The following ALDH8A1 variants were observed in gnomAD, a reference collection of about 807,000 sequenced individuals.
The protein encoded by ALDH8A1 is aldehyde dehydrogenase 8 family member A1, also known as 2-aminomuconic semialdehyde dehydrogenase.
ALDH8A1 carries 39 observed loss-of-function variants against 43.3 expected under a neutral mutation model. The ratio of observed to expected loss-of-function variants is 0.90; its 90% confidence interval spans 0.70 to 1.18. The LOEUF (loss-of-function observed/expected upper bound fraction) is 1.18. ALDH8A1 is among the 50% of genes most tolerant of loss of function. ALDH8A1 has a pLI of 0.00. For missense variants in ALDH8A1, 605 were observed against 622.6 expected (o/e 0.97, Z 0.30); for synonymous variants, 233 against 243.5 (o/e 0.96, Z 0.40).
intron 5 of ALDH8A1, among the ~76,000 whole-genome samples, chr6:134,930,261 G>A (rs1005337890): frequency 3.9e-5 from 6 of 152,188 alleles, no homozygotes; most frequent in Non-Finnish European, 8.8e-5. Context: ...GGAAGGGAGA[G>A]GGAGGGAAAC....
chr6:134,939,815 A>G (rs114774944), intron 3 of ALDH8A1, among the ~76,000 whole-genome samples: 1,704 of 152,356 alleles, frequency 0.011, 31 homozygotes, highest in African/African-American at 0.038. Context: ...AAAGACATGG[A>G]ATCAACTCAA....
chr6:134,932,795 C>A lies in ALDH8A1; in HGVS notation c.830G>T (p.Arg277Met). 1 of 1,614,180 alleles carries A rather than the reference C, an allele frequency of 6.2e-7. No individual in the cohort carries two copies. The highest frequency in any genetic ancestry group is 1.3e-5 in the African/African-American group (1 of 75,052). The change falls in exon 5 of 7, where the codon AGG (arginine) becomes ATG (methionine). Residue 277 changes from arginine (R) to methionine (M), a missense_variant. Transcript: ENST00000265605. ...NLDECIPATV[R>M]SSFANQGEIC... Reference sequence around the variant, plus strand: ...ACATACCTGGTTGGCAAAGCTGGACCTGACGGTTGCCGGAATGCACTCATC... The same window carrying A: ...ACATACCTGGTTGGCAAAGCTGGACATGACGGTTGCCGGAATGCACTCATC...
intron 6 of ALDH8A1, among the ~76,000 whole-genome samples, chr6:134,920,969 G>C (rs979838656): frequency 6.6e-6 from 1 of 152,094 alleles, no homozygotes; most frequent in African/African-American, 2.4e-5. Flanking sequence ...TTCCTTATCT[G>C]AAACATAGAA....
intron 6 of ALDH8A1, among the ~76,000 whole-genome samples, chr6:134,920,407 G>A (rs1300540052): frequency 1.3e-5 from 2 of 152,092 alleles, no homozygotes; most frequent in Non-Finnish European, 2.9e-5. Context: ...TAATTAAAAG[G>A]TTCCAAAGGT....
intron 1 of ALDH8A1, 120 bp from the exon 2 acceptor site, chr6:134,944,086 T>C (rs571773052): frequency 7.4e-7 from 1 of 1,350,862 alleles, no homozygotes; most frequent in South Asian, 1.6e-5. Context: ...TTTTGTTTTT[T>C]AGATGGATTC....
At chr6:134,920,155 CG>C (rs1562249694) in intron 6 of ALDH8A1, among the ~76,000 whole-genome samples, 1 of 152,152 alleles carries the variant, frequency 6.6e-6, no homozygotes, top group African/African-American at 2.4e-5. Flanking sequence ...TCAAGGGATC[CG>C]CCCAAAGTGC....
chr6:134,920,862 T>A (rs2114675356), intron 6 of ALDH8A1, among the ~76,000 whole-genome samples: 1 of 152,242 alleles, frequency 6.6e-6, no homozygotes, highest in African/African-American at 2.4e-5. Context: ...AAAGTCAGAG[T>A]ACAGGGGTTA....
At chr6:134,927,654 G>T (rs1165543740) in intron 6 of ALDH8A1, among the ~76,000 whole-genome samples, 2 of 152,168 alleles carry the variant, frequency 1.3e-5, no homozygotes, top group African/African-American at 4.8e-5. Context: ...AAAAAAAATG[G>T]TGTATCTGTT....
intron 6 of ALDH8A1, among the ~76,000 whole-genome samples, chr6:134,926,118 G>A (rs1186913571): frequency 6.6e-6 from 1 of 151,574 alleles, no homozygotes; most frequent in Non-Finnish European, 1.5e-5. Context: ...ATCATCACCA[G>A]TGATGAAATA....
intron 5 of ALDH8A1, among the ~76,000 whole-genome samples, chr6:134,932,414 T>G (rs752276916): frequency 6.6e-6 from 1 of 152,014 alleles, no homozygotes; most frequent in Non-Finnish European, 1.5e-5. Context: ...AATAGGACAT[T>G]TGAACGACAA....
At chr6:134,928,492 CA>C (rs538305077) in intron 6 of ALDH8A1, among the ~76,000 whole-genome samples, 162 of 152,292 alleles carry the variant, frequency 1.1e-3, no homozygotes, top group African/African-American at 3.8e-3. Context: ...TTGGGAGTCA[CA>C]TGTGGTAATA....
intron 6 of ALDH8A1, among the ~76,000 whole-genome samples, chr6:134,927,753 G>A (rs1776909968): frequency 6.6e-6 from 1 of 152,128 alleles, no homozygotes; most frequent in East Asian, 1.9e-4. Context: ...CTGCTGAAAG[G>A]TACTCTAGGA....
intron 1 of ALDH8A1, among the ~76,000 whole-genome samples, chr6:134,947,236 G>A (rs1773969476): frequency 6.6e-6 from 1 of 152,100 alleles, no homozygotes; most frequent in Non-Finnish European, 1.5e-5. Flanking sequence ...ACAGATTAAA[G>A]ACTTAGATAG....
intron 3 of ALDH8A1, among the ~76,000 whole-genome samples, chr6:134,941,626 G>A (rs2114704867): frequency 6.6e-6 from 1 of 152,134 alleles, no homozygotes; most frequent in Admixed American, 6.5e-5. Context: ...CTGACCTCAG[G>A]CGATCCGCCA....
chr6:134,947,068 T>C (rs1773966257), intron 1 of ALDH8A1, among the ~76,000 whole-genome samples: 1 of 152,114 alleles, frequency 6.6e-6, no homozygotes, highest in Admixed American at 6.5e-5. Flanking sequence ...AATCCAGAAA[T>C]AAATCCATGC....
chr6:134,939,355 G>C lies in ALDH8A1; in HGVS notation c.503C>G (p.Ala168Gly). The change falls in exon 4 of 7, where the codon GCG (alanine) becomes GGG (glycine). Residue 168 changes from alanine (A) to glycine (G), a missense_variant. Physicochemically the swap from Ala to Gly is moderately conservative, Grantham distance 60. Coordinates refer to ENST00000265605, the MANE Select transcript of ALDH8A1 (RefSeq NM_022568.4). ...TATCACAGTGTTCCCTGCAGCCATC[G>C]CTGGAGCTATCTTCCAGGTCAGCAA... ...LYLLTWKIAP[A>G]MAAGNTVIAK... 6.2e-7 allele frequency: 1 copy of C among 1,614,218 alleles called. No homozygotes were observed. Among genetic ancestry groups the C allele is most frequent in the Non-Finnish European group, 8.5e-7 (1 of 1,180,034 alleles).
At chr6:134,945,454 T>G (rs879923741) in intron 1 of ALDH8A1, among the ~76,000 whole-genome samples, 2 of 152,168 alleles carry the variant, frequency 1.3e-5, no homozygotes, top group Non-Finnish European at 2.9e-5. Flanking sequence ...AATATATGTA[T>G]GGGAAGGTAT....
chr6:134,944,013 C>T, intron 1 of ALDH8A1, 47 bp from the exon 2 acceptor site: 1 of 1,572,536 alleles, frequency 6.4e-7, no homozygotes, highest in Non-Finnish European at 8.6e-7. Context: ...GCTGTTAGTC[C>T]TTGGGGGATG....
intron 1 of ALDH8A1, 93 bp from the exon 2 acceptor site, chr6:134,944,059 A>C: frequency 2.7e-5 from 30 of 1,120,606 alleles, no homozygotes; most frequent in Non-Finnish European, 3.5e-5. Context: ...CACACACCTC[A>C]TTTTTGTTTT....
Sources: gnomAD v4.1 joint callset for allele counts (sites outside exome capture counted in the v4.1 genomes callset) on GRCh38, gnomAD v4.1.1 for gene constraint, MANE v1.5 for transcripts, NCBI Gene and HGNC (gene_info 2026-07-23, HGNC 2026-07-21) for gene names.